Variants in KLHL13 observed in about 807,000 individuals in gnomAD.
KLHL13 encodes the protein kelch-like protein 13.
KLHL13 carries 10 observed loss-of-function variants against 37.1 expected under a neutral mutation model. The observed-to-expected ratio is 0.27, with a 90% CI of 0.17 to 0.46. The LOEUF (loss-of-function observed/expected upper bound fraction) is 0.46, where lower values mean the gene tolerates loss of function less well. Ranked by LOEUF, KLHL13 falls within the 20% of genes least tolerant of loss-of-function variation. The probability of loss-of-function intolerance (pLI) is 1.00; values close to 1 mark genes in which losing one functional copy is unlikely to be tolerated. For synonymous variants in KLHL13, 163 were observed against 181.2 expected (o/e 0.90, Z 0.81); for missense variants, 360 against 509.3 (o/e 0.71, Z 2.82).
At chrX:118,035,794 A>C in intron 1 of KLHL13, among the ~76,000 whole-genome samples, 1 of 106,643 alleles carries the variant, frequency 9.4e-6, no homozygotes, top group Middle Eastern at 4.7e-3. Context: ...GAAAAGAGGA[A>C]GTCAAATTGT....
intron 5 of KLHL13, 79 bp downstream of exon 6, chrX:117,909,222 C>T (rs1051971049): frequency 2.4e-6 from 2 of 841,213 alleles, no homozygotes; most frequent in African/African-American, 2.0e-5. Context: ...TCTGATTTTA[C>T]AGGACTGCTT....
chrX:118,075,770 A>T (rs1396074802), intron 1 of KLHL13, among the ~76,000 whole-genome samples: 1 of 111,838 alleles, frequency 8.9e-6, no homozygotes, highest in Non-Finnish European at 1.9e-5. Flanking sequence ...TATCTACTAG[A>T]CACAAAAGAA....
chrX:117,950,521 T>C (rs1232256308), intron 1 of KLHL13, among the ~76,000 whole-genome samples: 2 of 111,809 alleles, frequency 1.8e-5, no homozygotes, highest in Non-Finnish European at 3.8e-5. Context: ...AAAAGTATAA[T>C]ATAGATATTT....
At chrX:117,902,900 G>A (rs908315086) in intron 5 of KLHL13, among the ~76,000 whole-genome samples, 1 of 110,616 alleles carries the variant, frequency 9.0e-6, no homozygotes, top group Non-Finnish European at 1.9e-5. Context: ...ACACTGCTTA[G>A]GGAAGCACTA....
At chrX:117,905,144 G>C (rs1030672277) in intron 5 of KLHL13, among the ~76,000 whole-genome samples, 7 of 110,772 alleles carry the variant, frequency 6.3e-5, no homozygotes, top group Admixed American at 3.9e-4. Context: ...AAATCCTTTG[G>C]GGGGTATAGA....
intron 1 of KLHL13, among the ~76,000 whole-genome samples, chrX:118,046,783 A>C (rs1194048376): frequency 4.5e-5 from 5 of 112,095 alleles, no homozygotes; most frequent in African/African-American, 1.6e-4. Context: ...TAAGGAAAAC[A>C]GAGAGAACGG....
chrX:118,091,067 A>G (rs1602715860), intron 1 of KLHL13, among the ~76,000 whole-genome samples: 1 of 99,740 alleles, frequency 1.0e-5, no homozygotes, highest in South Asian at 5.3e-4. Flanking sequence ...TCATAGGTGG[A>G]AATTGAACAA....
At chrX:118,083,937 T>C (rs1343713446) in intron 1 of KLHL13, among the ~76,000 whole-genome samples, 1 of 110,954 alleles carries the variant, frequency 9.0e-6, no homozygotes, top group Non-Finnish European at 1.9e-5. Context: ...AGAAAAACAA[T>C]GTTATAAAAA....
intron 2 of KLHL13, among the ~76,000 whole-genome samples, chrX:117,922,866 G>A (rs906956166): frequency 8.9e-6 from 1 of 112,222 alleles, no homozygotes; most frequent in Non-Finnish European, 1.9e-5. Context: ...ACTGTTAACA[G>A]TTTAGTAAGC....
At chrX:117,929,660 C>T (rs906388763) in intron 2 of KLHL13, among the ~76,000 whole-genome samples, 3 of 107,692 alleles carry the variant, frequency 2.8e-5, no homozygotes, top group African/African-American at 6.8e-5. Flanking sequence ...AAAGTAAACT[C>T]GCCAGATGTG....
intron 1 of KLHL13, among the ~76,000 whole-genome samples, chrX:118,013,051 T>C (rs1305633021): frequency 1.8e-5 from 2 of 112,300 alleles, no homozygotes; most frequent in Admixed American, 1.9e-4. Flanking sequence ...ATTCAGCAAA[T>C]ATTTATTGAG....
intron 1 of KLHL13, among the ~76,000 whole-genome samples, chrX:118,056,949 A>G (rs1307972876): frequency 8.9e-6 from 1 of 112,013 alleles, no homozygotes. Context: ...AAATCTATCT[A>G]TCTCAGCTAC....
At chrX:117,981,183 C>T (rs1366391278) in intron 1 of KLHL13, among the ~76,000 whole-genome samples, 3 of 112,043 alleles carry the variant, frequency 2.7e-5, no homozygotes, top group African/African-American at 9.7e-5. Flanking sequence ...CAATTAAAAT[C>T]CTATGATGTA....
At chrX:118,099,210 T>C (rs2055254395) in intron 1 of KLHL13, among the ~76,000 whole-genome samples, 2 of 111,572 alleles carry the variant, frequency 1.8e-5, no homozygotes, top group Admixed American at 9.5e-5. Context: ...AAAGATATTA[T>C]GGAAATAGGT....
At chrX:118,039,858 C>T (rs945734352) in intron 1 of KLHL13, among the ~76,000 whole-genome samples, 10 of 111,316 alleles carry the variant, frequency 9.0e-5, no homozygotes, top group Non-Finnish European at 1.7e-4. Context: ...GCTGGTGTCA[C>T]CTCTCCCTCA....
intron 5 of KLHL13, among the ~76,000 whole-genome samples, chrX:117,907,293 A>G (rs1045895805): frequency 9.1e-6 from 1 of 110,392 alleles, no homozygotes; most frequent in Non-Finnish European, 1.9e-5. Flanking sequence ...TTATGTAATG[A>G]CTCTCCTTGG....
At chrX:117,924,114 A>T (rs1025520596) in intron 2 of KLHL13, among the ~76,000 whole-genome samples, 11 of 112,107 alleles carry the variant, frequency 9.8e-5, no homozygotes, top group Non-Finnish European at 2.1e-4. Context: ...CATATTAGTG[A>T]ATTTTATTCT....
chrX:118,073,063 T>C (rs941629066), intron 1 of KLHL13, among the ~76,000 whole-genome samples: 5 of 108,273 alleles, frequency 4.6e-5, no homozygotes, highest in African/African-American at 1.7e-4. Flanking sequence ...CACTGCACTA[T>C]CACCTGGGTT....
intron 1 of KLHL13, among the ~76,000 whole-genome samples, chrX:117,965,525 A>T (rs1016001720): frequency 1.6e-4 from 18 of 111,840 alleles, no homozygotes; most frequent in African/African-American, 5.9e-4. Context: ...ATCAATAAAC[A>T]AAGAGGGAAT....
Sources: allele counts gnomAD v4.1 joint callset (sites outside exome capture counted in the v4.1 genomes callset), GRCh38; gene constraint gnomAD v4.1.1; transcripts MANE v1.5; gene names NCBI Gene and HGNC (gene_info 2026-07-23, HGNC 2026-07-21).